The following KPNA5 variants were observed in gnomAD, a reference collection of about 807,000 sequenced individuals.
KPNA5 encodes karyopherin subunit alpha 5, also known as importin subunit alpha-6.
KPNA5 carries 46 observed loss-of-function variants against 71.3 expected under a neutral mutation model. The observed-to-expected ratio is 0.65, with a 90% CI of 0.51 to 0.83. The LOEUF (loss-of-function observed/expected upper bound fraction) is 0.83, where lower values mean the gene tolerates loss of function less well. Ranked by LOEUF, KPNA5 falls within the 40% of genes least tolerant of loss-of-function variation. KPNA5 has a pLI of 0.00. For synonymous variants in KPNA5, 207 were observed against 201.4 expected (o/e 1.03, Z -0.24); for missense variants, 547 against 628.3 (o/e 0.87, Z 1.38).
chr6:116,681,679 A>G (rs1777363207), intron 1 of KPNA5: 1 of 355,870 alleles, frequency 2.8e-6, no homozygotes, highest in African/African-American at 2.2e-5. Context: ...TGCCACTCAT[A>G]CCTGGTACCC....
At chr6:116,703,314 A>G (rs1040597709) in intron 6 of KPNA5, among the ~76,000 whole-genome samples, 1 of 151,618 alleles carries the variant, frequency 6.6e-6, no homozygotes, top group Admixed American at 6.6e-5. Context: ...CCACGCTGGA[A>G]TGCAATGGCG....
At chr6:116,683,189 A>C (rs1777425625) in intron 1 of KPNA5, among the ~76,000 whole-genome samples, 1 of 152,192 alleles carries the variant, frequency 6.6e-6, no homozygotes, top group Non-Finnish European at 1.5e-5. Flanking sequence ...CATTCTTAAA[A>C]ATTTCTGTTT....
In KPNA5 at chr6:116,687,182, C is replaced by T. The variant is rs576385284; in HGVS notation, c.5-2138C>T. On this transcript the variant is annotated intron_variant, in intron 1 of 13. Coordinates refer to ENST00000368564, the MANE Select transcript of KPNA5 (RefSeq NM_001366306.2). ...CACAAGCATGGAATGTTTTTCCATT[C>T]GTTTGTGTCATCTCTGATTTCTTTT... Among the ~76,000 whole-genome samples the T allele has an allele frequency of 1.5e-4, 23 of 152,200 alleles. No individual in the cohort carries two copies. In the South Asian group the frequency reaches 3.9e-3, roughly 26 times the overall value.
rs1186258691 is a variant in KPNA5, at chr6:116,689,366, T to C, written c.51T>C (p.Tyr17=). 6.2e-7 allele frequency: 1 copy of C among 1,609,428 alleles called. No individual in the cohort carries two copies. Among genetic ancestry groups the C allele is most frequent in the East Asian group, 2.2e-5 (1 of 44,606 alleles). ...PGKDNYRMKS[Y]KNKALNPQEM... Reference sequence around the variant, plus strand: ...AAGATAACTATAGAATGAAAAGTTATAAGAATAAAGCCCTAAATCCTCAAG... The same window carrying C: ...AAGATAACTATAGAATGAAAAGTTACAAGAATAAAGCCCTAAATCCTCAAG... Residue 17 remains tyrosine (Y), a synonymous_variant, in exon 2 of 14, where the codon TAT becomes TAC. Transcript: ENST00000368564.
chr6:116,729,649 G>A lies in KPNA5; in HGVS notation c.1340G>A (p.Gly447Glu). Residue 447 changes from glycine (G) to glutamate (E), a missense_variant, in exon 13 of 14, where the codon GGA becomes GAA. Transcript: ENST00000368564. The part of the protein sequence containing the change: ...DSKIVQVALN[G>E]LENILRLGEQ... Reference sequence around the variant, plus strand: ...AAAATAGTCCAAGTGGCTTTAAATGGACTTGAAAATATTTTACGTCTTGGA... The same window carrying A: ...AAAATAGTCCAAGTGGCTTTAAATGAACTTGAAAATATTTTACGTCTTGGA... The A allele has an allele frequency of 6.2e-7, 1 of 1,610,598 alleles. No individual in the cohort carries two copies. Among genetic ancestry groups the A allele is most frequent in the Non-Finnish European group, 8.5e-7 (1 of 1,178,198 alleles).
rs559753363 is a variant in KPNA5 at position 116,738,864 on chromosome 6, A to G, written c.*6541A>G. On this transcript the variant is annotated 3_prime_UTR_variant, in exon 14 of 14. Transcript: ENST00000368564. Reference sequence around the variant, plus strand: ...ATGGGACGTATCTCCAAATAATAAGAGCTATCTATGACAAACCCACAGCCA... The same window carrying G: ...ATGGGACGTATCTCCAAATAATAAGGGCTATCTATGACAAACCCACAGCCA... 6.6e-6 allele frequency: 1 copy of G among 152,194 alleles called. No homozygotes were observed. The highest frequency in any genetic ancestry group is 2.1e-4 in the South Asian group (1 of 4,820). The allele number at this position is 152,194 out of a possible 1,614,324, so 9.4% of individuals were successfully genotyped here.
rs573870623 is a variant in KPNA5 at position 116,707,548 on chromosome 6, A to G, written c.656+2388A>G. On this transcript the variant is annotated intron_variant, in intron 7 of 13. Transcript: ENST00000368564. Reference sequence around the variant, plus strand: ...GGAACACAGTCACACCTATTCATTTACTTAATGTCTTTGGTTGCTTTCATG... The same window carrying G: ...GGAACACAGTCACACCTATTCATTTGCTTAATGTCTTTGGTTGCTTTCATG... Among the ~76,000 whole-genome samples the G allele has an allele frequency of 5.3e-5, 8 of 152,316 alleles. No homozygotes were observed. The East Asian group carries it at 1.5e-3, about 29-fold the overall frequency.
At chr6:116,719,374 T>C (rs1331205757) in intron 8 of KPNA5, among the ~76,000 whole-genome samples, 2 of 152,124 alleles carry the variant, frequency 1.3e-5, no homozygotes, top group East Asian at 1.9e-4. Flanking sequence ...TGGAAATGAG[T>C]GTATAAATGG....
At chr6:116,694,040 T>C (rs1175501717) in intron 4 of KPNA5, among the ~76,000 whole-genome samples, 2 of 152,196 alleles carry the variant, frequency 1.3e-5, no homozygotes, top group Non-Finnish European at 2.9e-5. Context: ...AAAGATCAGA[T>C]AGTTGTAGAT....
chr6:116,700,025 C>T (rs1238328856), intron 5 of KPNA5, among the ~76,000 whole-genome samples: 1 of 152,200 alleles, frequency 6.6e-6, no homozygotes, highest in Non-Finnish European at 1.5e-5. Context: ...GGACACAGAA[C>T]ATAGCAACTT....
In KPNA5 at chr6:116,732,391, G is replaced by C. The variant is rs1032940007; in HGVS notation, c.*68G>C. 3 of 856,894 alleles carry C rather than the reference G, an allele frequency of 3.5e-6. No individual in the cohort carries two copies. The highest frequency in any genetic ancestry group is 6.2e-5 in the East Asian group (2 of 32,420). 53.1% of individuals were successfully genotyped at this position (856,894 alleles called of 1,614,324 possible). A position where few individuals can be genotyped will look rare whatever the true frequency, so the allele number is the denominator to read the frequency against. ...CAGGTAACTCCTCTTTGTTGCCAAT[G>C]TAAGAATGTTTGTTTTTTTACATAG... is the stretch of plus-strand genomic sequence containing the variant. On this transcript the variant is annotated 3_prime_UTR_variant, in exon 14 of 14. Transcript: ENST00000368564.
At chr6:116,692,802 G>A (rs1457846191) in intron 4 of KPNA5, among the ~76,000 whole-genome samples, 1 of 152,120 alleles carries the variant, frequency 6.6e-6, no homozygotes, top group Admixed American at 6.5e-5. Context: ...TATTACATAT[G>A]TATACGTGTG....
chr6:116,729,523 C>CTT (rs775425416), intron 12 of KPNA5, 40 bp from the exon 13 acceptor site: 4 of 1,301,872 alleles, frequency 3.1e-6, no homozygotes, highest in Non-Finnish European at 4.0e-6. Flanking sequence ...CTTTTTAAAT[C>CTT]TTTTTTTCCC....
intron 1 of KPNA5, 91 bp from the exon 2 acceptor site, chr6:116,689,229 T>C: frequency 7.3e-7 from 1 of 1,361,058 alleles, no homozygotes; most frequent in Non-Finnish European, 1.0e-6. Flanking sequence ...TGTTAATCAG[T>C]GAGCCTGAAT....
intron 9 of KPNA5, 70 bp downstream of exon 9, chr6:116,722,359 T>C: frequency 1.7e-6 from 2 of 1,198,964 alleles, no homozygotes; most frequent in Non-Finnish European, 2.3e-6. Context: ...AGTAATAGCT[T>C]TGTAAATATC....
intron 11 of KPNA5, among the ~76,000 whole-genome samples, 195 bp from the exon 12 acceptor site, chr6:116,726,300 T>C (rs1215935098): frequency 6.6e-6 from 1 of 152,070 alleles, no homozygotes; most frequent in Admixed American, 6.6e-5. Context: ...TTCTCCAGTC[T>C]TTAAAAAGCT....
At position 116,692,106 on chromosome 6, in the gene KPNA5, G is replaced by A. The variant is rs747829876; in HGVS notation, c.190G>A (p.Glu64Lys). 1.2e-6 allele frequency: 2 copies of A among 1,613,014 alleles called. No individual in the cohort carries two copies. The highest frequency in any genetic ancestry group is 1.7e-6 in the Non-Finnish European group (2 of 1,179,284). ...GCCCAGAAATGATGAATCTATGCTT[G>A]AAAGTCCTATACAGGATCCAGATAT... Reference protein sequence around the residue: ...YLPRNDESMLESPIQDPDISS... With the variant: ...YLPRNDESMLKSPIQDPDISS... Residue 64 changes from glutamate to lysine, a missense_variant, in exon 3 of 14, where the codon GAA (glutamate) becomes AAA (lysine). Transcript: ENST00000368564.
chr6:116,699,265 G>T (rs558241399), intron 5 of KPNA5, among the ~76,000 whole-genome samples: 3 of 151,956 alleles, frequency 2.0e-5, no homozygotes, highest in African/African-American at 7.2e-5. Flanking sequence ...AAGAACATTG[G>T]TTCTCAACCA....
rs974955339 is a variant in KPNA5 at position 116,740,758 on chromosome 6, G to A, written c.*8435G>A. The A allele has an allele frequency of 1.3e-5, 2 of 149,970 alleles. No homozygotes were observed. The highest frequency in any genetic ancestry group is 6.8e-5 in the Admixed American group (1 of 14,802). 9.3% of individuals were successfully genotyped at this position (149,970 alleles called of 1,614,324 possible). A position where few individuals can be genotyped will look rare whatever the true frequency, so the allele number is the denominator to read the frequency against. On this transcript the variant is annotated 3_prime_UTR_variant, in exon 14 of 14. Coordinates refer to ENST00000368564, the MANE Select transcript of KPNA5 (RefSeq NM_001366306.2). ...CTATCGCAAGAACAAAAAACCAAATGCCGCATCTTCTCACTCATAGGTGGG... is the reference window on the plus strand; with the variant it reads ...CTATCGCAAGAACAAAAAACCAAATACCGCATCTTCTCACTCATAGGTGGG...
Sources: gnomAD v4.1 joint callset for allele counts (sites outside exome capture counted in the v4.1 genomes callset) on GRCh38, gnomAD v4.1.1 for gene constraint, MANE v1.5 for transcripts, NCBI Gene and HGNC (gene_info 2026-07-23, HGNC 2026-07-21) for gene names.